The following CUL7 variants were observed in gnomAD, a reference collection of about 807,000 sequenced individuals.
CUL7 encodes cullin-7.
CUL7 carries 96 observed loss-of-function variants against 177.7 expected under a neutral mutation model. The ratio of observed to expected loss-of-function variants is 0.54; its 90% CI spans 0.46 to 0.64. CUL7 has a LOEUF of 0.64. Among genes scored for constraint, CUL7 ranks in the 30% least tolerant of loss-of-function variants. CUL7 has a pLI of 0.00. For missense variants in CUL7, 1,893 were observed against 2,187.9 expected, an observed-to-expected ratio of 0.87 and a Z score of 2.69; for synonymous variants, 824 against 890.2, an observed-to-expected ratio of 0.93 and a Z score of 1.32.
intron 22 of CUL7, among the ~76,000 whole-genome samples, chr6:43,039,207 C>G (rs990698686): frequency 1.3e-5 from 2 of 152,208 alleles, no homozygotes; most frequent in Non-Finnish European, 2.9e-5. Flanking sequence ...TATGCCTAGC[C>G]TGGTGCCAAG....
intron 9 of CUL7, among the ~76,000 whole-genome samples, chr6:43,047,436 T>G (rs933933399): frequency 1.1e-4 from 17 of 152,144 alleles, no homozygotes; most frequent in African/African-American, 4.1e-4. Context: ...GTTGTAGGGC[T>G]GTGTTTTGAG....
At position 43,043,248 on chromosome 6, in the gene CUL7, A is replaced by T. The variant is rs1763605668; in HGVS notation, c.3356-68T>A. Reference sequence around the variant, plus strand: ...CCCTCCACTCCCAAGTCCCCATCCAAGGGGGTTCCCTGAGGCCTTTCCTGA... The same window carrying T: ...CCCTCCACTCCCAAGTCCCCATCCATGGGGGTTCCCTGAGGCCTTTCCTGA... On this transcript the variant is annotated intron_variant, in intron 17 of 25. Coordinates refer to ENST00000265348, the MANE Select transcript of CUL7 (RefSeq NM_014780.5). This position sits in a 1 kb window ranked among gnomAD's most constrained non-coding sequence, Gnocchi z 4.2. The T allele has an allele frequency of 4.3e-6, 6 of 1,390,492 alleles. No homozygotes were observed. The highest frequency in any genetic ancestry group is 5.1e-6 in the Non-Finnish European group (5 of 987,402). The allele number at this position is 1,390,492 out of a possible 1,614,324, so 86.1% of individuals were successfully genotyped here.
At position 43,040,091 on chromosome 6, in the gene CUL7, C is replaced by A; in HGVS notation, c.4294+65G>T. 2 of 1,598,482 alleles carry A rather than the reference C, an allele frequency of 1.3e-6. No individual in the cohort carries two copies. The highest frequency in any genetic ancestry group is 1.1e-5 in the South Asian group (1 of 90,366). On this transcript the variant is annotated intron_variant, in intron 22 of 25. Transcript: ENST00000265348. This position sits in a 1 kb window ranked among gnomAD's most constrained non-coding sequence, Gnocchi z 4.2. ...TCCCAACATCAGGGTCTGCCCCCAACCCCAGGTCCTTTCCTAGCAGCCCAC... is the reference window on the plus strand; with the variant it reads ...TCCCAACATCAGGGTCTGCCCCCAAACCCAGGTCCTTTCCTAGCAGCCCAC...
In CUL7 at chr6:43,053,481, G is replaced by C; in HGVS notation, c.-9+141C>G. The C allele has an allele frequency of 1.9e-6, 1 of 537,890 alleles. No homozygotes were observed. The highest frequency in any genetic ancestry group is 4.6e-5 in the South Asian group (1 of 21,908). 33.3% of individuals were successfully genotyped at this position (537,890 alleles called of 1,614,324 possible). A position where few individuals can be genotyped will look rare whatever the true frequency, so the allele number is the denominator to read the frequency against. On this transcript the variant is annotated intron_variant, in intron 1 of 25. Coordinates refer to ENST00000265348, the MANE Select transcript of CUL7 (RefSeq NM_014780.5). The surrounding 1 kb of genome is among the most constrained non-coding windows in gnomAD (Gnocchi z 4.1). ...TGGAGAAGCCAGGGGCGCGCGGTAA[G>C]GTGGGGGAGAGGGGATTAGGCCCCA...
chr6:43,047,497 G>A (rs1432555747), intron 9 of CUL7, among the ~76,000 whole-genome samples: 1 of 152,162 alleles, frequency 6.6e-6, no homozygotes, highest in Non-Finnish European at 1.5e-5. Context: ...ACAGGGACTG[G>A]GTTTGTGTGT....
In CUL7 at chr6:43,052,184, C is replaced by T. The variant is rs1443895687; in HGVS notation, c.580+25G>A. On this transcript the variant is annotated intron_variant, in intron 2 of 25. Coordinates refer to ENST00000265348, the MANE Select transcript of CUL7 (RefSeq NM_014780.5). The surrounding 1 kb of genome is among the most constrained non-coding windows in gnomAD (Gnocchi z 4.5). ...CCGACCCAGCCCTTCTCCTGCTTTC[C>T]CTTCCTCCCCACACTGCCCCTCACC... 3 of 1,613,718 alleles carry T rather than the reference C, an allele frequency of 1.9e-6. No individual in the cohort carries two copies.
At position 43,052,930 on chromosome 6, in the gene CUL7, G is replaced by A. The variant is rs914452401; in HGVS notation, c.-8-134C>T. ...TGGGGTAAAGCCAGGCCCAGGAGTT[G>A]CATGCTGCACGCTGGGTGGGGGCAG... is the stretch of plus-strand genomic sequence containing the variant. On this transcript the variant is annotated intron_variant, in intron 1 of 25. Transcript: ENST00000265348. This position sits in a 1 kb window ranked among gnomAD's most constrained non-coding sequence, Gnocchi z 4.5. The A allele has an allele frequency of 2.3e-6, 2 of 886,838 alleles. No individual in the cohort carries two copies. The highest frequency in any genetic ancestry group is 3.6e-6 in the Non-Finnish European group (2 of 560,236). 54.9% of individuals were successfully genotyped at this position (886,838 alleles called of 1,614,324 possible). A position where few individuals can be genotyped will look rare whatever the true frequency, so the allele number is the denominator to read the frequency against.
chr6:43,040,152 T>C lies in CUL7; in HGVS notation c.4294+4A>G. 1.2e-6 allele frequency: 2 copies of C among 1,614,172 alleles called. No homozygotes were observed. Among genetic ancestry groups the C allele is most frequent in the Non-Finnish European group, 1.7e-6 (2 of 1,180,018 alleles). ...GTCCCCAGTCCCTCTGCCTGGCTGC[T>C]CACTCTTGTTGTAGAAGTTGGAGTA... On this transcript the variant is annotated splice_donor_region_variant and intron_variant, in intron 22 of 25. Transcript: ENST00000265348. This position sits in a 1 kb window ranked among gnomAD's most constrained non-coding sequence, Gnocchi z 4.2.
At position 43,051,545 on chromosome 6, in the gene CUL7, A is replaced by G; in HGVS notation, c.732+67T>C. 6.2e-7 allele frequency: 1 copy of G among 1,613,960 alleles called. No individual in the cohort carries two copies. Among genetic ancestry groups the G allele is most frequent in the Non-Finnish European group, 8.5e-7 (1 of 1,179,948 alleles). On this transcript the variant is annotated intron_variant, in intron 3 of 25. Transcript: ENST00000265348. This position sits in a 1 kb window ranked among gnomAD's most constrained non-coding sequence, Gnocchi z 5.0. ...TCTCTCCATACCATCCTCTGCAGAT[A>G]GGTGCAAAGGCCTGGACCCTAGATC...
chr6:43,041,105 T>C, intron 19 of CUL7, 30 bp from the exon 20 acceptor site: 1 of 1,611,764 alleles, frequency 6.2e-7, no homozygotes, highest in Non-Finnish European at 8.5e-7. Flanking sequence ...AGGAAAGCCA[T>C]GAATGAGCGA....
rs1035494514 is a variant in CUL7, at chr6:43,040,216, T to C, written c.4234A>G (p.Thr1412Ala). The C allele has an allele frequency of 3.1e-5, 50 of 1,614,058 alleles. No individual in the cohort carries two copies. The highest frequency in any genetic ancestry group is 4.0e-5 in the Non-Finnish European group (47 of 1,180,046). ...CCCCTCAGGTAGGAGGGCAGGCAGGTTCTGGGGTTCAGTGTGTGGCAGATT... is the reference window on the plus strand; with the variant it reads ...CCCCTCAGGTAGGAGGGCAGGCAGGCTCTGGGGTTCAGTGTGTGGCAGATT... ...ASICHTLNPR[T>A]CLPSYLRGTL... Residue 1412 changes from threonine to alanine, a missense_variant, in exon 22 of 26, where the codon ACC (threonine) becomes GCC (alanine). Thr to Ala is a moderately conservative substitution (Grantham distance 58). Around this residue, in one of 5 missense-constraint regions of CUL7, gnomAD observed 973 missense variants for 1,140.9 expected, o/e 0.85. Coordinates refer to ENST00000265348, the MANE Select transcript of CUL7 (RefSeq NM_014780.5). This position sits in a 1 kb window ranked among gnomAD's most constrained non-coding sequence, Gnocchi z 4.2.
intron 10 of CUL7, 44 bp from the exon 11 acceptor site, chr6:43,046,645 AACACGGAGACAC>A (rs760840238): frequency 1.2e-6 from 2 of 1,612,184 alleles, no homozygotes; most frequent in South Asian, 1.1e-5. Flanking sequence ...GGGCAGAAGG[AACACGGAGACAC>A]ACACGGAAAC....
Position 43,052,693 on chromosome 6 carries a change from A to G in CUL7, c.96T>C (p.His32=), listed in dbSNP as rs778188653. ...GGATCTGGTACTCAGGATGCCCATC[A>G]TGGCCCACGCGCTGGCGGATCAGCT... ...PDELIRQRVG[H]DGHPEYQIRW... Residue 32 remains histidine, a synonymous_variant, in exon 2 of 26, where the codon CAT becomes CAC. Coordinates refer to ENST00000265348, the MANE Select transcript of CUL7 (RefSeq NM_014780.5). The surrounding 1 kb of genome is among the most constrained non-coding windows in gnomAD (Gnocchi z 4.5). The G allele has an allele frequency of 1.9e-6, 3 of 1,614,028 alleles. No individual in the cohort carries two copies. Among genetic ancestry groups the G allele is most frequent in the Non-Finnish European group, 2.5e-6 (3 of 1,180,040 alleles).
Position 43,053,471 on chromosome 6 carries a change from C to G in CUL7, c.-9+151G>C, listed in dbSNP as rs562343698. Among the ~76,000 whole-genome samples the G allele has an allele frequency of 6.6e-6, 1 of 151,866 alleles. No homozygotes were observed. Among genetic ancestry groups the G allele is most frequent in the African/African-American group, 2.4e-5 (1 of 41,394 alleles). On this transcript the variant is annotated intron_variant, in intron 1 of 25. Transcript: ENST00000265348. This position sits in a 1 kb window ranked among gnomAD's most constrained non-coding sequence, Gnocchi z 4.1. ...GGTTGGAGACTGGAGAAGCCAGGGG[C>G]GCGCGGTAAGGTGGGGGAGAGGGGA...
intron 19 of CUL7, among the ~76,000 whole-genome samples, chr6:43,041,958 C>A (rs1016987610): frequency 4.4e-4 from 60 of 136,404 alleles, no homozygotes; most frequent in African/African-American, 1.6e-3. Context: ...GAGCTGAGAT[C>A]GAGCCACTGC....
In CUL7 at chr6:43,040,573, TC is replaced by T; in HGVS notation, c.3979del (p.Asp1327IlefsTer5). On this transcript the variant is annotated frameshift_variant, in exon 21 of 26. Coordinates refer to ENST00000265348, the MANE Select transcript of CUL7 (RefSeq NM_014780.5). LOFTEE classifies it high-confidence loss of function. This position sits in a 1 kb window ranked among gnomAD's most constrained non-coding sequence, Gnocchi z 4.2. Reference sequence around the variant, plus strand: ...ATCCTCCAGCTTCAGGAGTTCCTGATCCAGCTGCTGGAGCTGGTAGACGTGG... The same window carrying T: ...ATCCTCCAGCTTCAGGAGTTCCTGATCAGCTGCTGGAGCTGGTAGACGTGG... ...QFHVYQLQQL[D>X]QELLKLEDTE... 1 of 1,614,252 alleles carries T rather than the reference TC, an allele frequency of 6.2e-7. No individual in the cohort carries two copies. The highest frequency in any genetic ancestry group is 8.5e-7 in the Non-Finnish European group (1 of 1,180,042).
chr6:43,040,238 G>C lies in CUL7; in HGVS notation c.4212C>G (p.Ile1404Met), dbSNP rs753253567. The C allele has an allele frequency of 1.2e-6, 2 of 1,614,188 alleles. No individual in the cohort carries two copies. The highest frequency in any genetic ancestry group is 2.2e-5 in the East Asian group (1 of 44,876). ...AGGTTCTGGGGTTCAGTGTGTGGCA[G>C]ATTGAGGCAACAGGCCAGGAGTGTC... is the stretch of plus-strand genomic sequence containing the variant. ...LSRHSWPVASICHTLNPRTCL... is the reference protein window; with the variant it reads ...LSRHSWPVASMCHTLNPRTCL... Residue 1404 changes from isoleucine to methionine, a missense_variant, in exon 22 of 26, where the codon ATC becomes ATG. Ile to Met is a conservative substitution (Grantham distance 10). This residue lies in a region of CUL7 where 973 missense variants were observed against 1,140.9 expected (regional missense o/e 0.85). Coordinates refer to ENST00000265348, the MANE Select transcript of CUL7 (RefSeq NM_014780.5). The surrounding 1 kb of genome is among the most constrained non-coding windows in gnomAD (Gnocchi z 4.2).
Position 43,038,389 on chromosome 6 carries a change from G to T in CUL7, c.4651C>A (p.Gln1551Lys). 2 of 1,614,150 alleles carry T rather than the reference G, an allele frequency of 1.2e-6. No homozygotes were observed. Among genetic ancestry groups the T allele is most frequent in the Non-Finnish European group, 1.7e-6 (2 of 1,180,000 alleles). Reference protein sequence around the residue: ...VRLIPPQTYLQAEGEDGQNLE... With the variant: ...VRLIPPQTYLKAEGEDGQNLE... The stretch of plus-strand genomic sequence containing the variant: ...TTCTGGCCGTCTTCACCCTCAGCTT[G>T]CAGGTACGTCTGAGGTGGGATGAGC... Residue 1551 changes from glutamine (Q) to lysine (K), a missense_variant, in exon 25 of 26, where the codon CAA becomes AAA. Gln to Lys is a moderately conservative substitution (Grantham distance 53). Transcript: ENST00000265348.
chr6:43,048,966 G>T (rs1764171123), intron 7 of CUL7, among the ~76,000 whole-genome samples: 1 of 151,744 alleles, frequency 6.6e-6, no homozygotes, highest in Non-Finnish European at 1.5e-5. Context: ...TAGAGACGGG[G>T]TTTCACCATG....
Sources: gnomAD v4.1 joint callset for allele counts (sites outside exome capture counted in the v4.1 genomes callset) on GRCh38, gnomAD v4.1.1 for gene constraint, gnomAD v4.1.1 regional missense constraint, Gnocchi (gnomAD v3.1) non-coding constraint, MANE v1.5 for transcripts, NCBI Gene and HGNC (gene_info 2026-07-23, HGNC 2026-07-21) for gene names.